Variants in PCDHGA4 observed in about 807,000 individuals in gnomAD.
PCDHGA4 encodes protocadherin gamma-A4.
Under a neutral mutation model 54.6 loss-of-function variants are expected in PCDHGA4, and 38 were observed. The ratio of observed to expected loss-of-function variants is 0.70; its 90% CI spans 0.54 to 0.91. The LOEUF (loss-of-function observed/expected upper bound fraction) is 0.91. PCDHGA4 is among the 40% of genes least tolerant of loss of function. PCDHGA4 has a pLI of 0.00. For missense variants in PCDHGA4, 1,298 were observed against 1,220.9 expected (o/e 1.06, Z -0.94); for synonymous variants, 511 against 512.9 (o/e 1.00, Z 0.05).
chr5:141,404,075 G>C (rs2154534954), intron 1 of PCDHGA4: 2 of 1,613,660 alleles, frequency 1.2e-6, no homozygotes, highest in East Asian at 2.2e-5. Flanking sequence ...TCATGACCGA[G>C]ACTCCGGGAA....
chr5:141,372,783 C>T lies in PCDHGA4; in HGVS notation c.2514+15162C>T, dbSNP rs1324941616. On this transcript the variant is annotated intron_variant, in intron 1 of 3. Coordinates refer to ENST00000571252, the MANE Select transcript of PCDHGA4 (RefSeq NM_018917.4). ...TGAAAGTAATGACAATCCAGAAATG[C>T]CTTCTAATTCAGGCAATTTGCAAAA... 5.0e-6 allele frequency: 8 copies of T among 1,606,014 alleles called. No homozygotes were observed. Among genetic ancestry groups the T allele is most frequent in the African/African-American group, 1.3e-5 (1 of 74,834 alleles).
At chr5:141,379,481 A>G (rs969144576) in intron 1 of PCDHGA4, 6 of 152,256 alleles carry the variant, frequency 3.9e-5, no homozygotes, top group Non-Finnish European at 5.9e-5. Context: ...ATGTTATTTT[A>G]CTATACTACC....
intron 1 of PCDHGA4, chr5:141,374,178 G>T: frequency 1.9e-6 from 3 of 1,613,614 alleles, no homozygotes; most frequent in Non-Finnish European, 2.5e-6. Flanking sequence ...GCGCAGATCC[G>T]CTACTCTATT....
intron 1 of PCDHGA4, chr5:141,392,879 G>T: frequency 1.2e-6 from 2 of 1,613,512 alleles, no homozygotes; most frequent in East Asian, 2.2e-5. Flanking sequence ...TGCTGGGAAC[G>T]CTGTGGGAAA....
chr5:141,462,883 A>T (rs557432183), intron 1 of PCDHGA4, among the ~76,000 whole-genome samples: 9 of 152,230 alleles, frequency 5.9e-5, no homozygotes, highest in African/African-American at 2.2e-4. Context: ...GAACTATTGC[A>T]GTTTGTTTTG....
rs771804151 is a variant in PCDHGA4, at chr5:141,486,704, A to G, written c.2515-8103A>G. On this transcript the variant is annotated intron_variant, in intron 1 of 3. Coordinates refer to ENST00000571252, the MANE Select transcript of PCDHGA4 (RefSeq NM_018917.4). The surrounding 1 kb of genome is among the most constrained non-coding windows in gnomAD (Gnocchi z 5.0). ...ATCAGCTTCCTCTTTCATCTCTCTG[A>G]ACCCCCAGACAGGAGCTGTTCATGC... 2.2e-5 allele frequency: 35 copies of G among 1,614,016 alleles called. No homozygotes were observed. Among genetic ancestry groups the G allele is most frequent in the Non-Finnish European group, 2.7e-5 (32 of 1,180,032 alleles).
At chr5:141,510,814 C>T in intron 3 of PCDHGA4, 133 bp from the exon 4 acceptor site, 2 of 1,544,688 alleles carry the variant, frequency 1.3e-6, no homozygotes, top group East Asian at 4.6e-5. Context: ...TTGGTGACCC[C>T]TATATTCCCA....
chr5:141,425,934 G>A lies in PCDHGA4; in HGVS notation c.2514+68313G>A, dbSNP rs1237431530. Among the ~76,000 whole-genome samples, 4 of 152,352 alleles carry A rather than the reference G, an allele frequency of 2.6e-5. 1 individual carries two copies. Among genetic ancestry groups the A allele is most frequent in the East Asian group, 1.9e-4 (1 of 5,188 alleles). On this transcript the variant is annotated intron_variant, in intron 1 of 3. Coordinates refer to ENST00000571252, the MANE Select transcript of PCDHGA4 (RefSeq NM_018917.4). ...CAGTCACTACGAAAACTCATAAAAT[G>A]TCTAGTTTCCTATACATTAGTCCAA...
chr5:141,404,071 C>T, intron 1 of PCDHGA4: 2 of 1,613,734 alleles, frequency 1.2e-6, no homozygotes, highest in Non-Finnish European at 1.7e-6. Context: ...ATGCTCATGA[C>T]CGAGACTCCG....
chr5:141,359,108 A>G (rs1202027326), intron 1 of PCDHGA4, among the ~76,000 whole-genome samples: 1 of 152,248 alleles, frequency 6.6e-6, no homozygotes, highest in Non-Finnish European at 1.5e-5. Flanking sequence ...TTGTATTCAT[A>G]GAAAGTTGTG....
intron 1 of PCDHGA4, chr5:141,385,433 G>A (rs2024141): frequency 0.085 from 123,181 of 1,452,862 alleles, 5,787 homozygotes; most frequent in East Asian, 0.14. Context: ...ACTTTATAGA[G>A]GTAAAAATGA....
chr5:141,361,957 G>A lies in PCDHGA4; in HGVS notation c.2514+4336G>A, dbSNP rs976081209. On this transcript the variant is annotated intron_variant, in intron 1 of 3. Transcript: ENST00000571252. The stretch of plus-strand genomic sequence containing the variant: ...ACACAACGCTTGGCTGTCCTACCAC[G>A]TGCTGCAGGCCAGCGAGCCCGGGCT... 15 of 1,603,004 alleles carry A rather than the reference G, an allele frequency of 9.4e-6. No homozygotes were observed. In the Admixed American group the frequency reaches 2.0e-4, roughly 22 times the overall value.
At chr5:141,384,070 C>A (rs762136393) in intron 1 of PCDHGA4, 2 of 1,603,864 alleles carry the variant, frequency 1.2e-6, no homozygotes, top group Admixed American at 3.4e-5. Context: ...AGAAAACCTA[C>A]CTTTTAAATT....
At position 141,404,149 on chromosome 5, in the gene PCDHGA4, A is replaced by G. The variant is rs758060942; in HGVS notation, c.2514+46528A>G. The G allele has an allele frequency of 3.1e-6, 5 of 1,612,750 alleles. No individual in the cohort carries two copies. In the African/African-American group the frequency reaches 5.3e-5, roughly 17 times the overall value. On this transcript the variant is annotated intron_variant, in intron 1 of 3. Transcript: ENST00000571252. Reference sequence around the variant, plus strand: ...CTTTTACATTAGAAAATTCAGAAGAAGATTATTACAGATTGTTGACGGCCC... The same window carrying G: ...CTTTTACATTAGAAAATTCAGAAGAGGATTATTACAGATTGTTGACGGCCC...
intron 1 of PCDHGA4, among the ~76,000 whole-genome samples, chr5:141,488,350 C>G (rs1191478919): frequency 6.6e-6 from 1 of 152,176 alleles, no homozygotes; most frequent in Non-Finnish European, 1.5e-5. Context: ...GAAACAGCCA[C>G]CCTGTGCATC....
chr5:141,500,182 A>ATTTT lies in PCDHGA4; in HGVS notation c.2574-5209_2574-5206dup, dbSNP rs1199992745. Among the ~76,000 whole-genome samples the ATTTT allele has an allele frequency of 1.7e-3, 223 of 131,716 alleles. 2 individuals are homozygous for ATTTT. Among genetic ancestry groups the ATTTT allele is most frequent in the African/African-American group, 6.2e-3 (201 of 32,350 alleles). The allele number at this position is 131,716 out of a possible 152,430, so 86.4% of individuals were successfully genotyped here. On this transcript the variant is annotated intron_variant, in intron 2 of 3. Transcript: ENST00000571252. ...AAGAACATGCATGAGCTTCATTTTT[A>ATTTT]TTTTTATTTATTTATTTATTTATTT...
Position 141,357,397 on chromosome 5 carries a change from G to A in PCDHGA4, c.2290G>A (p.Ala764Thr). The change falls in exon 1 of 4, where the codon GCA becomes ACA. Residue 764 changes from alanine to threonine, a missense_variant. Coordinates refer to ENST00000571252, the MANE Select transcript of PCDHGA4 (RefSeq NM_018917.4). ...RLLHAEGSRL[A>T]GVPASHFVGV... Reference sequence around the variant, plus strand: ...GCTTCACGCTGAAGGCAGCAGGTTGGCAGGTGTGCCTGCCTCGCACTTTGT... The same window carrying A: ...GCTTCACGCTGAAGGCAGCAGGTTGACAGGTGTGCCTGCCTCGCACTTTGT... The A allele has an allele frequency of 1.2e-6, 2 of 1,614,242 alleles. No individual in the cohort carries two copies. The highest frequency in any genetic ancestry group is 1.7e-6 in the Non-Finnish European group (2 of 1,180,024).
chr5:141,403,442 G>A, intron 1 of PCDHGA4: 2 of 1,614,024 alleles, frequency 1.2e-6, no homozygotes, highest in Admixed American at 1.7e-5. Flanking sequence ...GGATGTTGGC[G>A]TGAACTCCCT....
rs1312691474 is a variant in PCDHGA4, at chr5:141,362,295, G to C, written c.2514+4674G>C. The C allele has an allele frequency of 6.2e-6, 10 of 1,614,062 alleles. No homozygotes were observed. The East Asian group carries it at 2.2e-4, about 36-fold the overall frequency. On this transcript the variant is annotated intron_variant, in intron 1 of 3. Coordinates refer to ENST00000571252, the MANE Select transcript of PCDHGA4 (RefSeq NM_018917.4). ...CCCTGCGCCTGCGACTCTCTTCCAG[G>C]TCAGATGCTTGGGACTGTTTTCAGC...
Sources: allele counts gnomAD v4.1 joint callset (sites outside exome capture counted in the v4.1 genomes callset), GRCh38; gene constraint gnomAD v4.1.1; non-coding constraint Gnocchi (gnomAD v3.1); transcripts MANE v1.5; gene names NCBI Gene and HGNC (gene_info 2026-07-23, HGNC 2026-07-21).